CSGALNACT1: variants seen among roughly 807,000 people sequenced by gnomAD.
CSGALNACT1 encodes beta4GalNAcT-1.
CSGALNACT1 carries 52 observed loss-of-function variants against 51.0 expected under a neutral mutation model. The ratio of observed to expected loss-of-function variants is 1.02; its 90% CI spans 0.82 to 1.29. The LOEUF (loss-of-function observed/expected upper bound fraction) is 1.29. Ranked by LOEUF, CSGALNACT1 falls within the 50% of genes most tolerant of loss-of-function variation. The probability of loss-of-function intolerance (pLI) is 0.00; values close to 1 mark genes in which losing one functional copy is unlikely to be tolerated. For missense variants in CSGALNACT1, 935 were observed against 679.2 expected (o/e 1.38, Z -4.19); for synonymous variants, 341 against 254.4 (o/e 1.34, Z -3.24).
intron 3 of CSGALNACT1, among the ~76,000 whole-genome samples, chr8:19,518,945 C>T (rs1355673615): frequency 1.3e-5 from 2 of 152,150 alleles, no homozygotes; most frequent in Admixed American, 6.5e-5. Flanking sequence ...AGAAGAAAAA[C>T]GAAGCTCTCT....
chr8:19,583,440 A>C (rs1269767154), intron 3 of CSGALNACT1, among the ~76,000 whole-genome samples: 1 of 152,164 alleles, frequency 6.6e-6, no homozygotes, highest in African/African-American at 2.4e-5. Flanking sequence ...GAGAAGAAAA[A>C]ATCCTAAGCT....
chr8:19,554,405 G>T (rs1053050164), intron 3 of CSGALNACT1, among the ~76,000 whole-genome samples: 6 of 152,136 alleles, frequency 3.9e-5, no homozygotes, highest in Non-Finnish European at 8.8e-5. Flanking sequence ...AGGAAATAAT[G>T]CAGGGCCAAG....
At chr8:19,740,551 G>C (rs575428879) in intron 1 of CSGALNACT1, among the ~76,000 whole-genome samples, 9 of 152,286 alleles carry the variant, frequency 5.9e-5, no homozygotes, top group African/African-American at 1.7e-4. Context: ...CTGGTGTTTG[G>C]ATATTTCATT....
rs970759673 is a variant in CSGALNACT1 at position 19,510,710 on chromosome 8, C to G, written c.-296-4580G>C. Among the ~76,000 whole-genome samples the G allele has an allele frequency of 2.6e-5, 4 of 152,136 alleles. No individual in the cohort carries two copies. In the South Asian group the frequency reaches 6.2e-4, roughly 24 times the overall value. ...GGTGAGGAGTGGGAGATGGGAGGAT[C>G]TGAAAAGTACAAATATAATACATTT... is the stretch of plus-strand genomic sequence containing the variant. On this transcript the variant is annotated intron_variant, in intron 3 of 9. Coordinates refer to ENST00000454498, the Ensembl canonical transcript of CSGALNACT1.
chr8:19,643,100 A>G (rs891168512), intron 1 of CSGALNACT1, among the ~76,000 whole-genome samples: 3 of 152,108 alleles, frequency 2.0e-5, no homozygotes, highest in African/African-American at 7.2e-5. Flanking sequence ...AATAAATTGA[A>G]TTAGTAAATT....
intron 3 of CSGALNACT1, among the ~76,000 whole-genome samples, chr8:19,514,647 C>T (rs1227644577): frequency 6.9e-6 from 1 of 145,372 alleles, no homozygotes; most frequent in Non-Finnish European, 1.5e-5. Flanking sequence ...ATGGTGAAAC[C>T]CCGTCTCTAC....
upstream of CSGALNACT1, chr8:19,602,563 G>A (rs1447872167): frequency 6.6e-6 from 1 of 152,184 alleles, no homozygotes; most frequent in African/African-American, 2.4e-5. Flanking sequence ...GCGTCCCAGG[G>A]AACACGACAC....
chr8:19,419,349 C>T (rs75316381), intron 7 of CSGALNACT1, among the ~76,000 whole-genome samples: 7,100 of 152,258 alleles, frequency 0.047, 200 homozygotes, highest in Non-Finnish European at 0.066. Flanking sequence ...GCCCCAGCCC[C>T]GCCAAACATT....
chr8:19,466,378 G>A (rs546381475), intron 4 of CSGALNACT1, among the ~76,000 whole-genome samples: 4 of 152,200 alleles, frequency 2.6e-5, no homozygotes, highest in African/African-American at 9.7e-5. Context: ...CTTCAGCCAT[G>A]TAAATTGCCT....
intron 1 of CSGALNACT1, among the ~76,000 whole-genome samples, chr8:19,679,975 G>A (rs1298294160): frequency 6.6e-6 from 1 of 152,096 alleles, no homozygotes; most frequent in African/African-American, 2.4e-5. Flanking sequence ...GGTTATAATG[G>A]ACAAAGCACC....
intron 1 of CSGALNACT1, among the ~76,000 whole-genome samples, chr8:19,726,527 G>C (rs1290857643): frequency 6.6e-6 from 1 of 152,086 alleles, no homozygotes; most frequent in Non-Finnish European, 1.5e-5. Context: ...ATTGTAAAAT[G>C]GTTAAGTCAA....
intron 1 of CSGALNACT1, among the ~76,000 whole-genome samples, chr8:19,735,219 C>T (rs1373156879): frequency 1.3e-5 from 2 of 152,012 alleles, no homozygotes; most frequent in Non-Finnish European, 2.9e-5. Context: ...AAAGAGGTGC[C>T]CTGAGAATGC....
exon 1 of CSGALNACT1, chr8:19,602,076 A>G (rs775998447): frequency 3.2e-6 from 1 of 316,666 alleles, no homozygotes; most frequent in Middle Eastern, 1.2e-3. Flanking sequence ...TCAAGGCTTT[A>G]AACAGTGATA....
At chr8:19,563,301 T>G (rs2041196394) in intron 3 of CSGALNACT1, among the ~76,000 whole-genome samples, 1 of 152,102 alleles carries the variant, frequency 6.6e-6, no homozygotes, top group South Asian at 2.1e-4. Flanking sequence ...AGGGAGAGCA[T>G]CAGGAACAAT....
chr8:19,514,106 G>A (rs1278258242), intron 3 of CSGALNACT1, among the ~76,000 whole-genome samples: 4 of 152,042 alleles, frequency 2.6e-5, no homozygotes, highest in Non-Finnish European at 4.4e-5. Context: ...CTTCTGCTAC[G>A]TTCCTGACAG....
chr8:19,649,358 G>T (rs774083339), intron 1 of CSGALNACT1, among the ~76,000 whole-genome samples: 14 of 152,118 alleles, frequency 9.2e-5, no homozygotes, highest in Non-Finnish European at 8.8e-5. Flanking sequence ...ATGGAAACCA[G>T]AAGATTTATT....
Position 19,694,008 on chromosome 8 carries a change from T to C in CSGALNACT1, c.-297+63842A>G, listed in dbSNP as rs991279577. Among the ~76,000 whole-genome samples the C allele has an allele frequency of 6.6e-5, 10 of 152,160 alleles. No homozygotes were observed. The South Asian group carries it at 8.3e-4, about 13-fold the overall frequency. On this transcript the variant is annotated intron_variant, in intron 1 of 1. Transcript: ENST00000517494. ...CTTACCATAATGCCATCCAGGTTCATCCATATCATCAAATACAGCAATTTT... is the reference window on the plus strand; with the variant it reads ...CTTACCATAATGCCATCCAGGTTCACCCATATCATCAAATACAGCAATTTT...
chr8:19,697,984 A>C (rs2061667198), intron 1 of CSGALNACT1, among the ~76,000 whole-genome samples: 1 of 152,182 alleles, frequency 6.6e-6, no homozygotes, highest in African/African-American at 2.4e-5. Flanking sequence ...TGCTGCCAAA[A>C]AGTTAAGTAA....
intron 3 of CSGALNACT1, among the ~76,000 whole-genome samples, chr8:19,574,627 G>A (rs1273101224): frequency 2.6e-5 from 4 of 152,060 alleles, no homozygotes; most frequent in Non-Finnish European, 4.4e-5. Flanking sequence ...TCAGGAGTCC[G>A]ACCCTGGCAG....
Sources: allele counts gnomAD v4.1 joint callset (sites outside exome capture counted in the v4.1 genomes callset), GRCh38; gene constraint gnomAD v4.1.1; transcripts MANE v1.5; gene names NCBI Gene and HGNC (gene_info 2026-07-23, HGNC 2026-07-21).